The following RIPOR3 variants were observed in gnomAD, a reference collection of about 807,000 sequenced individuals.
RIPOR3 encodes the protein RIPOR family member 3, also known as family with sequence similarity 65 member C.
Under a neutral mutation model 114.3 loss-of-function variants are expected in RIPOR3, and 95 were observed. The ratio of observed to expected loss-of-function variants is 0.83; its 90% CI spans 0.70 to 0.99. The LOEUF (loss-of-function observed/expected upper bound fraction) is 0.99. Among genes scored for constraint, RIPOR3 ranks in the 50% least tolerant of loss-of-function variants. The probability of loss-of-function intolerance (pLI) is 0.00; values close to 1 mark genes in which losing one functional copy is unlikely to be tolerated. For synonymous variants in RIPOR3, 575 were observed against 543.8 expected (o/e 1.06, Z -0.80); for missense variants, 1,252 against 1,266.9 (o/e 0.99, Z 0.18).
intron 1 of RIPOR3, chr20:50,636,656 A>G (rs1238550917): frequency 1.0e-6 from 1 of 985,468 alleles, no homozygotes; most frequent in Non-Finnish European, 1.2e-6. Context: ...CTTAGAACTG[A>G]TGCCGTTCAG....
intron 15 of RIPOR3, among the ~76,000 whole-genome samples, chr20:50,595,897 C>T (rs970019167): frequency 6.6e-6 from 1 of 152,196 alleles, no homozygotes; most frequent in Non-Finnish European, 1.5e-5. Context: ...GTTCTGGCAC[C>T]TATAAATGAG....
intron 1 of RIPOR3, among the ~76,000 whole-genome samples, chr20:50,657,122 C>G (rs751006466): frequency 6.6e-6 from 1 of 152,212 alleles, no homozygotes; most frequent in Non-Finnish European, 1.5e-5. Context: ...CGAGGTGGCT[C>G]ATGCCTATAG....
intron 1 of RIPOR3, among the ~76,000 whole-genome samples, chr20:50,670,705 T>C (rs1328042767): frequency 1.3e-5 from 2 of 152,078 alleles, no homozygotes; most frequent in African/African-American, 4.8e-5. Context: ...AGTGAGTCAA[T>C]GTATGATTAA....
chr20:50,597,131 A>G (rs1264226857), intron 14 of RIPOR3: 1 of 155,298 alleles, frequency 6.4e-6, no homozygotes, highest in East Asian at 1.9e-4. Flanking sequence ...ATGCCCAGCT[A>G]ATTTTTGTAT....
At chr20:50,612,766 A>C (rs2084021093) in intron 4 of RIPOR3, among the ~76,000 whole-genome samples, 2 of 152,216 alleles carry the variant, frequency 1.3e-5, no homozygotes, top group Admixed American at 1.3e-4. Context: ...GTATGTATTT[A>C]TGTGGAATTG....
chr20:50,637,902 T>C (rs1236029084), intron 1 of RIPOR3, among the ~76,000 whole-genome samples: 1 of 151,794 alleles, frequency 6.6e-6, no homozygotes, highest in African/African-American at 2.4e-5. Flanking sequence ...AATAAATAAA[T>C]ACATAAATTA....
intron 2 of RIPOR3, 97 bp from the exon 3 acceptor site, chr20:50,620,229 G>A (rs903203129): frequency 8.7e-6 from 13 of 1,486,512 alleles, no homozygotes; most frequent in Non-Finnish European, 1.1e-5. Context: ...CAGAGCCACA[G>A]GGAGTCAGGA....
chr20:50,610,972 CT>C, intron 5 of RIPOR3, 66 bp from the exon 6 acceptor site: 2 of 1,606,708 alleles, frequency 1.2e-6, no homozygotes, highest in South Asian at 2.2e-5. Context: ...CCGCTTGCCC[CT>C]GCCACCCTCC....
chr20:50,641,495 A>G (rs2085192204), intron 1 of RIPOR3, among the ~76,000 whole-genome samples: 1 of 151,846 alleles, frequency 6.6e-6, no homozygotes, highest in African/African-American at 2.4e-5. Context: ...CAGTCCTCCC[A>G]CCTCAGCCTC....
At chr20:50,610,930 G>T in intron 5 of RIPOR3, 24 bp from the exon 6 acceptor site, 1 of 1,614,174 alleles carries the variant, frequency 6.2e-7, no homozygotes, top group African/African-American at 1.3e-5. Context: ...AAGGGAAGAT[G>T]TTTGCAAAGT....
intron 19 of RIPOR3, among the ~76,000 whole-genome samples, chr20:50,591,871 C>T (rs1324559901): frequency 2.0e-5 from 3 of 152,184 alleles, no homozygotes; most frequent in Non-Finnish European, 4.4e-5. Flanking sequence ...CCAAGGCAGG[C>T]GGATCGCAGG....
chr20:50,621,422 AACATGCACACACACATTTGCACATGCAC>A (rs1015880272), intron 2 of RIPOR3, among the ~76,000 whole-genome samples: 1 of 152,168 alleles, frequency 6.6e-6, no homozygotes, highest in Non-Finnish European at 1.5e-5. Flanking sequence ...CTGACTAATC[AACATGCACACACACATTTGCACATGCAC>A]ACATGCACAC....
At chr20:50,661,856 G>A (rs879866454) in intron 1 of RIPOR3, among the ~76,000 whole-genome samples, 4 of 152,232 alleles carry the variant, frequency 2.6e-5, no homozygotes, top group African/African-American at 7.2e-5. Flanking sequence ...TCAGCCAACC[G>A]TGGGAGGAAT....
At chr20:50,641,669 C>T (rs1440129743) in intron 1 of RIPOR3, among the ~76,000 whole-genome samples, 3 of 152,236 alleles carry the variant, frequency 2.0e-5, no homozygotes, top group Non-Finnish European at 4.4e-5. Flanking sequence ...ACCTCCAGGC[C>T]ACAGGCTCCT....
Position 50,602,058 on chromosome 20 carries a change from CG to C in RIPOR3, c.1659+13del, listed in dbSNP as rs917188923. On this transcript the variant is annotated intron_variant, in intron 13 of 21. Coordinates refer to ENST00000327979, the MANE Select transcript of RIPOR3 (RefSeq NM_001290268.2). This position sits in a 1 kb window ranked among gnomAD's most constrained non-coding sequence, Gnocchi z 4.3. ...AGCAAAGCAGGGCCACCGCCCGGGGCGGGGTGGCCATACCTTCAGCCGGTCC... is the reference window on the plus strand; with the variant it reads ...AGCAAAGCAGGGCCACCGCCCGGGGCGGGTGGCCATACCTTCAGCCGGTCC... 3 of 1,501,228 alleles carry C rather than the reference CG, an allele frequency of 2.0e-6. No individual in the cohort carries two copies. The highest frequency in any genetic ancestry group is 2.7e-6 in the Non-Finnish European group (3 of 1,127,218). The allele number at this position is 1,501,228 out of a possible 1,614,324, so 93.0% of individuals were successfully genotyped here. A position where few individuals can be genotyped will look rare whatever the true frequency, so the allele number is the denominator to read the frequency against.
chr20:50,594,967 A>T, intron 16 of RIPOR3: 1 of 523,526 alleles, frequency 1.9e-6, no homozygotes, highest in East Asian at 3.1e-5. Context: ...CTTACAGACA[A>T]GGAACCTGGC....
At chr20:50,631,711 C>T (rs1479914271) in intron 1 of RIPOR3, among the ~76,000 whole-genome samples, 1 of 152,210 alleles carries the variant, frequency 6.6e-6, no homozygotes, top group Admixed American at 6.5e-5. Flanking sequence ...AGTCTCCGAC[C>T]CGCCCTGCAA....
intron 3 of RIPOR3, among the ~76,000 whole-genome samples, chr20:50,618,345 T>TG (rs1221146941): frequency 6.8e-6 from 1 of 147,144 alleles, no homozygotes; most frequent in Non-Finnish European, 1.5e-5. Context: ...CCACTATATC[T>TG]GGGGAAAATC....
chr20:50,615,108 AGTGT>A lies in RIPOR3; in HGVS notation c.348+890_348+893del, dbSNP rs56136460. On this transcript the variant is annotated intron_variant, in intron 4 of 21. Transcript: ENST00000327979. Reference sequence around the variant, plus strand: ...AATTTAATGGGGCATGCTATTTGTGAGTGTGTGTGTGTGTGTGTGTGTGTGTGTG... The same window carrying A: ...AATTTAATGGGGCATGCTATTTGTGAGTGTGTGTGTGTGTGTGTGTGTGTG... Among the ~76,000 whole-genome samples, 134 of 138,506 alleles carry A rather than the reference AGTGT, an allele frequency of 9.7e-4. 2 individuals carry two copies. The highest frequency in any genetic ancestry group is 1.6e-3 in the African/African-American group (57 of 36,130). 90.9% of individuals were successfully genotyped at this position (138,506 alleles called of 152,430 possible). A position where few individuals can be genotyped will look rare whatever the true frequency, so the allele number is the denominator to read the frequency against.
Sources: allele counts gnomAD v4.1 joint callset (sites outside exome capture counted in the v4.1 genomes callset), GRCh38; gene constraint gnomAD v4.1.1; non-coding constraint Gnocchi (gnomAD v3.1); transcripts MANE v1.5; gene names NCBI Gene and HGNC (gene_info 2026-07-23, HGNC 2026-07-21).